PAN3: variants seen among roughly 807,000 people sequenced by gnomAD.
PAN3 encodes the protein PAN2-PAN3 deadenylation complex subunit PAN3.
A neutral mutation model predicts 96.2 loss-of-function variants in PAN3; 19 were observed. The observed-to-expected ratio is 0.20, with a 90% CI of 0.14 to 0.29. The LOEUF (loss-of-function observed/expected upper bound fraction) is 0.29, where lower values mean the gene tolerates loss of function less well. Among genes scored for constraint, PAN3 ranks in the 10% least tolerant of loss-of-function variants. The pLI is 1.00. For synonymous variants in PAN3, 433 were observed against 406.6 expected (o/e 1.06, Z -0.78); for missense variants, 882 against 1,108.1 (o/e 0.80, Z 2.90).
intron 4 of PAN3, among the ~76,000 whole-genome samples, chr13:28,185,079 C>T (rs1029831246): frequency 2.6e-5 from 4 of 151,888 alleles, no homozygotes; most frequent in Non-Finnish European, 5.9e-5. Flanking sequence ...TATAAAGGGC[C>T]GTCCTTGTTT....
intron 10 of PAN3, 89 bp from the exon 11 acceptor site, chr13:28,267,006 G>A: frequency 7.4e-7 from 1 of 1,357,442 alleles, no homozygotes. Flanking sequence ...CATGAGCAAT[G>A]TATAAATATG....
chr13:28,208,589 G>A (rs182925060), intron 5 of PAN3, among the ~76,000 whole-genome samples: 1 of 152,062 alleles, frequency 6.6e-6, no homozygotes, highest in East Asian at 1.9e-4. Flanking sequence ...AACCTGAGAA[G>A]ACCTGGCCCG....
chr13:28,154,425 C>G lies in PAN3; in HGVS notation c.430+15338C>G, dbSNP rs543049839. On this transcript the variant is annotated intron_variant, in intron 1 of 18. Transcript: ENST00000380958. ...TTACTATAGGCCTTGCTGTGGCTATCTTGGTGCATAGATATGACAACTTCC... is the reference window on the plus strand; with the variant it reads ...TTACTATAGGCCTTGCTGTGGCTATGTTGGTGCATAGATATGACAACTTCC... 2.0e-5 allele frequency among the ~76,000 whole-genome samples: 3 copies of G among 151,830 alleles called. No homozygotes were observed. In the East Asian group the frequency reaches 5.8e-4, roughly 29 times the overall value.
intron 6 of PAN3, among the ~76,000 whole-genome samples, chr13:28,231,145 C>A (rs1467590707): frequency 6.6e-6 from 1 of 152,170 alleles, no homozygotes; most frequent in Admixed American, 6.5e-5. Flanking sequence ...ATAGTTAAAA[C>A]CCTGATGCTG....
chr13:28,226,283 A>T (rs1721580553), intron 6 of PAN3, among the ~76,000 whole-genome samples: 1 of 152,226 alleles, frequency 6.6e-6, no homozygotes, highest in African/African-American at 2.4e-5. Flanking sequence ...ACCAGTTTTA[A>T]TAAACATAAC....
Position 28,156,992 on chromosome 13 carries a change from C to CAAAAA in PAN3, c.431-17257_431-17253dup, listed in dbSNP as rs35448291. 4.3e-4 allele frequency among the ~76,000 whole-genome samples: 8 copies of CAAAAA among 18,450 alleles called. 1 individual carries two copies. The highest frequency in any genetic ancestry group is 1.3e-3 in the African/African-American group (8 of 6,014). The allele number at this position is 18,450 out of a possible 152,430, so 12.1% of individuals were successfully genotyped here. ...CCTGGGCAACAGAGTGAGACCCTGT[C>CAAAAA]AAAAAAAAAAAAAAAAAAAAAAAAA... On this transcript the variant is annotated intron_variant, in intron 1 of 18. Coordinates refer to ENST00000380958, the MANE Select transcript of PAN3 (RefSeq NM_175854.8).
Position 28,292,365 on chromosome 13 carries a change from T to A in PAN3, c.2524-17T>A. 2.5e-6 allele frequency: 4 copies of A among 1,569,914 alleles called. No individual in the cohort carries two copies. The highest frequency in any genetic ancestry group is 3.4e-6 in the Non-Finnish European group (4 of 1,160,278). The stretch of plus-strand genomic sequence containing the variant: ...TGCATGTTATGAATTTCATATTTTG[T>A]GTATATATTGTTTCAGCTAGATGCT... On this transcript the variant is annotated splice_polypyrimidine_tract_variant and intron_variant, in intron 18 of 18. Coordinates refer to ENST00000380958, the MANE Select transcript of PAN3 (RefSeq NM_175854.8).
At chr13:28,224,970 C>G (rs1881844447) in intron 6 of PAN3, among the ~76,000 whole-genome samples, 1 of 152,098 alleles carries the variant, frequency 6.6e-6, no homozygotes. Context: ...TGGGGAGAAT[C>G]ATCTAATTAT....
intron 4 of PAN3, among the ~76,000 whole-genome samples, chr13:28,185,212 T>C (rs1443163398): frequency 6.6e-6 from 1 of 152,182 alleles, no homozygotes; most frequent in Non-Finnish European, 1.5e-5. Flanking sequence ...GGCTTGAATG[T>C]TCTTCCTGTT....
intron 1 of PAN3, among the ~76,000 whole-genome samples, chr13:28,166,922 G>A (rs1459249962): frequency 1.3e-5 from 2 of 152,140 alleles, no homozygotes; most frequent in Admixed American, 6.5e-5. Flanking sequence ...AAACAGTTTT[G>A]TGCTCAAGGC....
Position 28,271,980 on chromosome 13 carries a change from G to T in PAN3, c.1959-1G>T. 1 of 1,545,872 alleles carries T rather than the reference G, an allele frequency of 6.5e-7. No homozygotes were observed. Among genetic ancestry groups the T allele is most frequent in the Non-Finnish European group, 8.8e-7 (1 of 1,137,926 alleles). On this transcript the variant is annotated splice_acceptor_variant, in intron 13 of 18. Coordinates refer to ENST00000380958, the MANE Select transcript of PAN3 (RefSeq NM_175854.8). LOFTEE classifies it high-confidence loss of function. ...TTCTTTAAATTATCTGGTCCTTAAA[G>T]GTTGCGAGTAAATTGTGTTGGAGTT...
At position 28,281,385 on chromosome 13, in the gene PAN3, G is replaced by A; in HGVS notation, c.2384+6G>A. The A allele has an allele frequency of 6.3e-7, 1 of 1,599,568 alleles. No homozygotes were observed. The highest frequency in any genetic ancestry group is 1.3e-5 in the African/African-American group (1 of 74,636). On this transcript the variant is annotated splice_donor_region_variant and intron_variant, in intron 17 of 18. Coordinates refer to ENST00000380958, the MANE Select transcript of PAN3 (RefSeq NM_175854.8). ...ACAATCAATGAGAGGCCGGAGTAAG[G>A]ATTTACAGTATTTTACAATATATTT...
intron 4 of PAN3, among the ~76,000 whole-genome samples, chr13:28,185,810 GA>G (rs1185082046): frequency 6.6e-6 from 1 of 152,046 alleles, no homozygotes; most frequent in African/African-American, 2.4e-5. Context: ...TTTATCTCTT[GA>G]ACCTACAAAC....
At chr13:28,192,607 C>G (rs9582013) in intron 4 of PAN3, among the ~76,000 whole-genome samples, 8,060 of 152,282 alleles carry the variant, frequency 0.053, 283 homozygotes, top group South Asian at 0.14. Context: ...TGTTTCTGCT[C>G]TATTCATACA....
intron 4 of PAN3, among the ~76,000 whole-genome samples, chr13:28,178,837 G>T (rs951446238): frequency 6.6e-6 from 1 of 152,114 alleles, no homozygotes; most frequent in Non-Finnish European, 1.5e-5. Context: ...AATTCAAGAA[G>T]ACTGTGGTGG....
At chr13:28,162,653 A>G (rs1457030033) in intron 1 of PAN3, among the ~76,000 whole-genome samples, 2 of 151,936 alleles carry the variant, frequency 1.3e-5, no homozygotes, top group Non-Finnish European at 2.9e-5. Context: ...CCTTAAAAAA[A>G]AAAAAGCATT....
chr13:28,292,090 T>G (rs901349178), intron 18 of PAN3, among the ~76,000 whole-genome samples: 1 of 152,188 alleles, frequency 6.6e-6, no homozygotes, highest in Non-Finnish European at 1.5e-5. Context: ...CTGTAATTTA[T>G]TATGCCAAAA....
intron 1 of PAN3, among the ~76,000 whole-genome samples, chr13:28,168,521 C>T (rs1873871517): frequency 6.6e-6 from 1 of 152,034 alleles, no homozygotes; most frequent in South Asian, 2.1e-4. Flanking sequence ...GAGTTTGAGA[C>T]CAGCCTGGCC....
Position 28,261,440 on chromosome 13 carries a change from G to A in PAN3, c.1393G>A (p.Asp465Asn). 1 of 1,610,544 alleles carries A rather than the reference G, an allele frequency of 6.2e-7. No homozygotes were observed. Among genetic ancestry groups the A allele is most frequent in the Middle Eastern group, 1.7e-4 (1 of 5,854 alleles). The change falls in exon 9 of 19, where the codon GAT (aspartate) becomes AAT (asparagine). Residue 465 changes from aspartate (D) to asparagine (N), a missense_variant. By Grantham distance (23) the Asp-to-Asn change is conservative (BLOSUM62 1). Around this residue, in one of 3 missense-constraint regions of PAN3, gnomAD observed 364 missense variants for 513.6 expected, o/e 0.71. Transcript: ENST00000380958. ...ACATTTAATAACAATGGCTCAAATTGATCAAGCAGATATGCCAGGTAAAAA... is the reference window on the plus strand; with the variant it reads ...ACATTTAATAACAATGGCTCAAATTAATCAAGCAGATATGCCAGGTAAAAA... ...NRHLITMAQIDQADMPAVPTE... is the reference protein window; with the variant it reads ...NRHLITMAQINQADMPAVPTE...
Sources: allele counts gnomAD v4.1 joint callset (sites outside exome capture counted in the v4.1 genomes callset), GRCh38; gene constraint gnomAD v4.1.1; regional missense constraint gnomAD v4.1.1; transcripts MANE v1.5; gene names NCBI Gene and HGNC (gene_info 2026-07-23, HGNC 2026-07-21).